The following SNTB1 variants were observed in gnomAD, a reference collection of about 807,000 sequenced individuals.
The protein encoded by SNTB1 is syntrophin beta 1.
SNTB1 carries 36 observed loss-of-function variants against 48.9 expected under a neutral mutation model. The ratio of observed to expected loss-of-function variants is 0.74; its 90% CI spans 0.56 to 0.97. The LOEUF is 0.97. SNTB1 is among the 50% of genes least tolerant of loss of function. The pLI is 0.00. For missense variants in SNTB1, 786 were observed against 703.4 expected (o/e 1.12, Z -1.33); for synonymous variants, 299 against 294.6 (o/e 1.01, Z -0.15).
At chr8:120,791,596 G>GA (rs1298916133) in intron 1 of SNTB1, among the ~76,000 whole-genome samples, 1 of 151,670 alleles carries the variant, frequency 6.6e-6, no homozygotes, top group African/African-American at 2.4e-5. Context: ...AAATCATCAA[G>GA]AAAAAATCCA....
chr8:120,572,056 G>T (rs978963797), intron 4 of SNTB1, among the ~76,000 whole-genome samples: 2 of 152,010 alleles, frequency 1.3e-5, no homozygotes, highest in African/African-American at 4.8e-5. Context: ...AAGTAAGAAG[G>T]ATTTTTCTGG....
At chr8:120,693,999 A>C in intron 1 of SNTB1, 91 bp from the exon 2 acceptor site, 1 of 1,003,130 alleles carries the variant, frequency 1.0e-6, no homozygotes, top group Non-Finnish European at 1.6e-6. Context: ...CTTGCTTTGG[A>C]TAAGCTCTTA....
At chr8:120,756,143 C>A (rs933904434) in intron 1 of SNTB1, among the ~76,000 whole-genome samples, 1 of 152,216 alleles carries the variant, frequency 6.6e-6, no homozygotes, top group African/African-American at 2.4e-5. Flanking sequence ...TAGTCAATCT[C>A]TACCCTTCTA....
At chr8:120,553,345 T>C (rs939479908) in intron 4 of SNTB1, among the ~76,000 whole-genome samples, 1 of 152,220 alleles carries the variant, frequency 6.6e-6, no homozygotes, top group African/African-American at 2.4e-5. Context: ...TCCTTTTGGA[T>C]ATGATGATAT....
intron 2 of SNTB1, among the ~76,000 whole-genome samples, chr8:120,663,794 C>A (rs148235041): frequency 6.6e-6 from 1 of 152,196 alleles, no homozygotes; most frequent in Admixed American, 6.5e-5. Context: ...GGCAAGGAGA[C>A]CAGCCAGAAT....
At chr8:120,746,027 C>G (rs1308539323) in intron 1 of SNTB1, among the ~76,000 whole-genome samples, 1 of 152,202 alleles carries the variant, frequency 6.6e-6, no homozygotes, top group Non-Finnish European at 1.5e-5. Context: ...TATTGGAACA[C>G]AGTCACACTC....
chr8:120,789,492 A>G (rs966293625), intron 1 of SNTB1, among the ~76,000 whole-genome samples: 5 of 152,040 alleles, frequency 3.3e-5, no homozygotes, highest in African/African-American at 1.2e-4. Flanking sequence ...GCCACTTGCT[A>G]GATTAACCAA....
intron 2 of SNTB1, among the ~76,000 whole-genome samples, chr8:120,659,475 A>C (rs1027593362): frequency 6.6e-6 from 1 of 152,176 alleles, no homozygotes; most frequent in Non-Finnish European, 1.5e-5. Context: ...TATTTCTACC[A>C]CATCTGCAAT....
At chr8:120,680,860 T>C (rs562369654) in intron 2 of SNTB1, among the ~76,000 whole-genome samples, 8 of 152,188 alleles carry the variant, frequency 5.3e-5, no homozygotes, top group Non-Finnish European at 7.4e-5. Context: ...AGAGTGCACT[T>C]TGGAAACTAA....
chr8:120,730,948 C>T (rs1172544142), intron 1 of SNTB1, among the ~76,000 whole-genome samples: 14 of 151,332 alleles, frequency 9.3e-5, no homozygotes, highest in African/African-American at 2.2e-4. Context: ...GGTGAAACCC[C>T]GGTCTCTACT....
chr8:120,630,783 C>G (rs1260013427), intron 3 of SNTB1, among the ~76,000 whole-genome samples: 1 of 152,170 alleles, frequency 6.6e-6, no homozygotes, highest in African/African-American at 2.4e-5. Context: ...TAAGACTGAA[C>G]GGATTATCCA....
intron 2 of SNTB1, among the ~76,000 whole-genome samples, chr8:120,692,868 G>T (rs1818151848): frequency 6.6e-6 from 1 of 152,094 alleles, no homozygotes; most frequent in Admixed American, 6.6e-5. Context: ...TTCCTGTACT[G>T]AGCACCTTAC....
chr8:120,620,169 C>A (rs1475069712), intron 3 of SNTB1, among the ~76,000 whole-genome samples: 1 of 152,124 alleles, frequency 6.6e-6, no homozygotes, highest in Non-Finnish European at 1.5e-5. Context: ...CAAAAATACT[C>A]CAAAAGTAAC....
intron 3 of SNTB1, among the ~76,000 whole-genome samples, chr8:120,594,421 A>G (rs1816291654): frequency 6.6e-6 from 1 of 152,130 alleles, no homozygotes; most frequent in Non-Finnish European, 1.5e-5. Flanking sequence ...TATTTTTAGT[A>G]GAGGTGGAGT....
intron 1 of SNTB1, among the ~76,000 whole-genome samples, chr8:120,768,296 G>T (rs755223545): frequency 6.6e-6 from 1 of 152,150 alleles, no homozygotes; most frequent in Non-Finnish European, 1.5e-5. Context: ...AGCCATGTGC[G>T]AGTACCCTAC....
At chr8:120,578,448 C>T (rs1815985656) in intron 3 of SNTB1, among the ~76,000 whole-genome samples, 1 of 152,142 alleles carries the variant, frequency 6.6e-6, no homozygotes, top group Non-Finnish European at 1.5e-5. Flanking sequence ...CAAAGGTATT[C>T]TGATATGAAT....
At chr8:120,752,987 G>GA (rs60198716) in intron 1 of SNTB1, among the ~76,000 whole-genome samples, 11,168 of 76,288 alleles carry the variant, frequency 0.15, 723 homozygotes, top group East Asian at 0.42. Context: ...AAAGCTGGAA[G>GA]AAAAAAAAAA....
intron 1 of SNTB1, among the ~76,000 whole-genome samples, chr8:120,748,947 C>T (rs936776684): frequency 2.0e-5 from 3 of 152,124 alleles, no homozygotes; most frequent in African/African-American, 7.2e-5. Flanking sequence ...TACTACCAAC[C>T]TTGTAGTGAT....
chr8:120,542,175 G>A (rs1815299990), intron 5 of SNTB1, 175 bp from the exon 6 acceptor site: 1 of 572,872 alleles, frequency 1.7e-6, no homozygotes, highest in Non-Finnish European at 3.0e-6. Flanking sequence ...TTTTGGTGTT[G>A]TAATTTTAAA....
Sources: gnomAD v4.1 joint callset for allele counts (sites outside exome capture counted in the v4.1 genomes callset) on GRCh38, gnomAD v4.1.1 for gene constraint, MANE v1.5 for transcripts, NCBI Gene and HGNC (gene_info 2026-07-23, HGNC 2026-07-21) for gene names.